The following IL2RB variants were observed in gnomAD, a reference collection of about 807,000 sequenced individuals.
IL2RB encodes interleukin 2 receptor subunit beta.
A neutral mutation model predicts 44.2 loss-of-function variants in IL2RB; 17 were observed. The observed-to-expected ratio is 0.38, with a 90% CI of 0.26 to 0.58. The LOEUF (loss-of-function observed/expected upper bound fraction) is 0.58, where lower values mean the gene tolerates loss of function less well. IL2RB is among the 20% of genes least tolerant of loss of function. IL2RB has a pLI of 0.63. For missense variants in IL2RB, 624 were observed against 685.5 expected (o/e 0.91, Z 1.00); for synonymous variants, 286 against 297.9 (o/e 0.96, Z 0.41).
intron 8 of IL2RB, 75 bp downstream of exon 8, chr22:37,135,253 T>G (rs1433562369): frequency 7.0e-6 from 6 of 862,282 alleles, no homozygotes; most frequent in Non-Finnish European, 9.8e-6. Context: ...TGTGTGCGTG[T>G]GTGTGCATGT....
In IL2RB at chr22:37,146,210, G is replaced by A. The variant is rs187445876; in HGVS notation, c.-33-2005C>T. ...ACCCTCACCAGGCCAGCCTCGTGCC[G>A]TTCCAGCCCAGACAACGGCACCACC... On this transcript the variant is annotated intron_variant, in intron 1 of 9. Transcript: ENST00000216223. Among the ~76,000 whole-genome samples, 30 of 152,230 alleles carry A rather than the reference G, an allele frequency of 2.0e-4. No individual in the cohort carries two copies. The East Asian group carries it at 2.5e-3, about 13-fold the overall frequency.
At chr22:37,150,533 G>A (rs721211), upstream of IL2RB, among the ~76,000 whole-genome samples, 3 of 151,966 alleles carry the variant, frequency 2.0e-5, no homozygotes, top group Non-Finnish European at 2.9e-5. Flanking sequence ...ATCACATCAG[G>A]GTAAATGGGG....
chr22:37,142,577 C>T (rs1922021492), intron 3 of IL2RB, 65 bp from the exon 4 acceptor site: 1 of 1,485,572 alleles, frequency 6.7e-7, no homozygotes. Flanking sequence ...CCAAGGGACT[C>T]TTCTCAGATC....
chr22:37,152,876 C>T (rs1276323255), upstream of IL2RB, among the ~76,000 whole-genome samples: 1 of 150,410 alleles, frequency 6.6e-6, no homozygotes, highest in Non-Finnish European at 1.5e-5. Context: ...AGCTCTGCTT[C>T]TTCCCTTTCC....
At chr22:37,158,720 A>G (rs1922762356) in intron 1 of IL2RB, among the ~76,000 whole-genome samples, 1 of 152,324 alleles carries the variant, frequency 6.6e-6, no homozygotes, top group East Asian at 1.9e-4. Flanking sequence ...AGTGTGGCAT[A>G]CGTCTGTGAA....
At chr22:37,136,438 G>C in intron 6 of IL2RB, 45 bp from the exon 7 acceptor site, 1 of 1,563,292 alleles carries the variant, frequency 6.4e-7, no homozygotes, top group Non-Finnish European at 8.7e-7. Flanking sequence ...ACCTCCCATG[G>C]CAGGGCCAGG....
intron 1 of IL2RB, among the ~76,000 whole-genome samples, chr22:37,171,870 C>T (rs989994552): frequency 6.6e-6 from 1 of 152,220 alleles, no homozygotes; most frequent in Admixed American, 6.5e-5. Flanking sequence ...AAGACCCAAA[C>T]ACATATGGGC....
intron 2 of IL2RB, 84 bp downstream of exon 2, chr22:37,144,001 T>TC (rs1328038537): frequency 6.5e-7 from 1 of 1,528,282 alleles, no homozygotes; most frequent in Non-Finnish European, 8.8e-7. Flanking sequence ...TCTGGCCCCA[T>TC]CCCCTTCTGG....
In IL2RB at chr22:37,156,266, T is replaced by G. The variant is rs76028905; in HGVS notation, c.-33-12061A>C. On this transcript the variant is annotated intron_variant, in intron 1 of 5. Coordinates refer to the IL2RB transcript ENST00000429622. ...AACCAAGACCCCTTGAACTTCCACC[T>G]CAGCTCACCCGCGTGCTGCCATCAC... is the stretch of plus-strand genomic sequence containing the variant. Among the ~76,000 whole-genome samples the G allele has an allele frequency of 3.8e-3, 583 of 152,308 alleles. 5 individuals are homozygous for G. Among genetic ancestry groups the G allele is most frequent in the African/African-American group, 0.013 (536 of 41,550 alleles).
chr22:37,128,163 G>A lies in IL2RB; in HGVS notation c.1589C>T (p.Pro530Leu). Residue 530 changes from proline to leucine, a missense_variant, in exon 10 of 10, where the codon CCC (proline) becomes CTC (leucine). Pro to Leu is a moderately conservative substitution (Grantham distance 98). Transcript: ENST00000216223. The surrounding 1 kb of genome is among the most constrained non-coding windows in gnomAD (Gnocchi z 4.5). The stretch of plus-strand genomic sequence containing the variant: ...GGACAAGTAGGCATCAGTGTTCAGG[G>A]GCAGGCGAGCATTAAGGGCCCTGAA... ...GEFRALNARL[P>L]LNTDAYLSLQ... 5 of 1,569,406 alleles carry A rather than the reference G, an allele frequency of 3.2e-6. No individual in the cohort carries two copies. The highest frequency in any genetic ancestry group is 2.7e-5 in the African/African-American group (2 of 73,002).
chr22:37,129,131 G>A (rs1356557379), intron 9 of IL2RB, among the ~76,000 whole-genome samples: 2 of 152,226 alleles, frequency 1.3e-5, no homozygotes, highest in African/African-American at 4.8e-5. Flanking sequence ...TTGCTCAAGA[G>A]TGACTGTTTA....
chr22:37,169,629 G>A (rs1213019642), intron 1 of IL2RB, among the ~76,000 whole-genome samples: 6 of 150,614 alleles, frequency 4.0e-5, no homozygotes, highest in South Asian at 2.1e-4. Context: ...CACACAGAAC[G>A]CAGAATCGCT....
chr22:37,165,234 T>A (rs1353000991), intron 1 of IL2RB, among the ~76,000 whole-genome samples: 1 of 152,222 alleles, frequency 6.6e-6, no homozygotes. Context: ...TGCTCCTAAC[T>A]ACCAGGCTGC....
At chr22:37,147,371 G>A (rs1364643758) in intron 1 of IL2RB, among the ~76,000 whole-genome samples, 1 of 152,116 alleles carries the variant, frequency 6.6e-6, no homozygotes, top group Non-Finnish European at 1.5e-5. Context: ...CTCCCCTCCT[G>A]GAACTCCCCA....
intron 1 of IL2RB, among the ~76,000 whole-genome samples, chr22:37,146,262 C>T (rs914702047): frequency 6.6e-6 from 1 of 152,200 alleles, no homozygotes; most frequent in Admixed American, 6.5e-5. Context: ...ACCTGCCTTC[C>T]CTGAAGCCCG....
intron 1 of IL2RB, among the ~76,000 whole-genome samples, chr22:37,162,750 C>T (rs927908425): frequency 2.0e-5 from 3 of 152,024 alleles, no homozygotes; most frequent in Admixed American, 2.0e-4. Context: ...GATCAGAGAT[C>T]CTACCACATG....
intron 1 of IL2RB, among the ~76,000 whole-genome samples, chr22:37,163,163 G>C (rs1231940065): frequency 1.3e-5 from 2 of 152,300 alleles, no homozygotes; most frequent in East Asian, 3.9e-4. Context: ...AGGATCTGGA[G>C]TGGTTCTCAG....
intron 1 of IL2RB, among the ~76,000 whole-genome samples, chr22:37,166,395 G>A (rs557247301): frequency 1.3e-5 from 2 of 152,350 alleles, no homozygotes; most frequent in South Asian, 2.1e-4. Context: ...TGGGCCAGAA[G>A]TGAAGCTAAG....
At chr22:37,137,391 C>A (rs1921760299) in intron 6 of IL2RB, among the ~76,000 whole-genome samples, 196 bp downstream of exon 6, 1 of 152,160 alleles carries the variant, frequency 6.6e-6, no homozygotes, top group South Asian at 2.1e-4. Flanking sequence ...CCAGCTGGAT[C>A]CCCAGGATTA....
Sources: allele counts gnomAD v4.1 joint callset (sites outside exome capture counted in the v4.1 genomes callset), GRCh38; gene constraint gnomAD v4.1.1; non-coding constraint Gnocchi (gnomAD v3.1); transcripts MANE v1.5; gene names NCBI Gene and HGNC (gene_info 2026-07-23, HGNC 2026-07-21).